The following OPCML variants were observed in gnomAD, a reference collection of about 807,000 sequenced individuals.
OPCML encodes opioid binding protein/cell adhesion molecule like, also known as opioid-binding protein/cell adhesion molecule.
In OPCML, 13 loss-of-function variants were observed where a neutral mutation model predicts 37.8. The ratio of observed to expected loss-of-function variants is 0.34; its 90% CI spans 0.22 to 0.55. The LOEUF (loss-of-function observed/expected upper bound fraction) is 0.55. Ranked by LOEUF, OPCML falls within the 20% of genes least tolerant of loss-of-function variation. The pLI, the probability that OPCML is intolerant of heterozygous loss-of-function variation, is 0.91. For synonymous variants in OPCML, 176 were observed against 168.8 expected (o/e 1.04, Z -0.33); for missense variants, 341 against 435.6 (o/e 0.78, Z 1.93).
At chr11:133,108,817 T>A (rs1486473740) in intron 1 of OPCML, among the ~76,000 whole-genome samples, 1 of 144,376 alleles carries the variant, frequency 6.9e-6, no homozygotes, top group South Asian at 2.2e-4. Flanking sequence ...TAAAAAAAAA[T>A]GTGAAATACA....
At chr11:132,537,612 C>A (rs543170393) in intron 3 of OPCML, among the ~76,000 whole-genome samples, 1 of 152,172 alleles carries the variant, frequency 6.6e-6, no homozygotes, top group Admixed American at 6.5e-5. Flanking sequence ...GTTTGTGCTT[C>A]AAAACACACT....
chr11:133,416,952 G>A (rs1945782340), intron 1 of OPCML, among the ~76,000 whole-genome samples: 1 of 152,112 alleles, frequency 6.6e-6, no homozygotes, highest in Non-Finnish European at 1.5e-5. Flanking sequence ...AAAGGTGGGT[G>A]GGGGCTGTGG....
At chr11:132,642,597 C>A (rs751131571) in intron 3 of OPCML, among the ~76,000 whole-genome samples, 1 of 152,106 alleles carries the variant, frequency 6.6e-6, no homozygotes, top group Non-Finnish European at 1.5e-5. Context: ...GCTGAACCAC[C>A]CTGGCATAAT....
intron 1 of OPCML, among the ~76,000 whole-genome samples, chr11:133,134,023 C>A (rs1035385038): frequency 2.0e-5 from 3 of 152,152 alleles, no homozygotes; most frequent in African/African-American, 7.2e-5. Flanking sequence ...GAACTCCTTT[C>A]AGCTGCCTTT....
At chr11:132,510,063 C>G (rs553926401) in intron 4 of OPCML, among the ~76,000 whole-genome samples, 9 of 152,366 alleles carry the variant, frequency 5.9e-5, no homozygotes, top group African/African-American at 2.2e-4. Flanking sequence ...GAACCCACCT[C>G]TTGCATCAGC....
intron 1 of OPCML, among the ~76,000 whole-genome samples, chr11:133,047,617 G>C (rs1948042538): frequency 1.3e-5 from 2 of 152,078 alleles, no homozygotes; most frequent in Admixed American, 1.3e-4. Context: ...CCTGGCGACT[G>C]CTGGCCGTGG....
intron 1 of OPCML, among the ~76,000 whole-genome samples, chr11:133,044,380 A>T (rs529884996): frequency 6.6e-6 from 1 of 152,330 alleles, no homozygotes; most frequent in East Asian, 1.9e-4. Flanking sequence ...ACTCTTGAGC[A>T]TGGGGAACAG....
chr11:133,531,571 G>C (rs899984353), intron 1 of OPCML, among the ~76,000 whole-genome samples: 38 of 152,118 alleles, frequency 2.5e-4, no homozygotes, highest in African/African-American at 8.9e-4. Context: ...TTGGTGGAAG[G>C]ATAAAGAAAG....
At chr11:133,077,656 A>G (rs1036819408) in intron 1 of OPCML, among the ~76,000 whole-genome samples, 43 of 152,342 alleles carry the variant, frequency 2.8e-4, no homozygotes, top group African/African-American at 8.9e-4. Flanking sequence ...ATATGTTAAC[A>G]GTCAACTCAT....
intron 1 of OPCML, among the ~76,000 whole-genome samples, chr11:133,172,895 A>G (rs1950307103): frequency 6.6e-6 from 1 of 152,230 alleles, no homozygotes; most frequent in Non-Finnish European, 1.5e-5. Context: ...TAATTTTACA[A>G]CAAATGTATA....
chr11:132,556,872 C>T lies in OPCML; in HGVS notation c.380-27686G>A, dbSNP rs926434655. ...CTAGTTGGGCCTGGACTCTCCTAGG[C>T]GGATATTAAACTCCACTTTGTCTTC... On this transcript the variant is annotated intron_variant, in intron 3 of 7. Transcript: ENST00000524381. Among the ~76,000 whole-genome samples, 10 of 152,046 alleles carry T rather than the reference C, an allele frequency of 6.6e-5. No homozygotes were observed. The South Asian group carries it at 8.3e-4, about 13-fold the overall frequency.
chr11:133,034,308 G>GGGGTGTGTGTGTGTGT (rs1555079919), intron 1 of OPCML, among the ~76,000 whole-genome samples: 36 of 143,536 alleles, frequency 2.5e-4, no homozygotes, highest in African/African-American at 8.9e-4. Flanking sequence ...TGTATGTATA[G>GGGGTGTGTGTGTGTGT]GTGTGTGTGT....
intron 2 of OPCML, among the ~76,000 whole-genome samples, chr11:132,810,475 G>A (rs568081358): frequency 2.6e-5 from 4 of 152,260 alleles, no homozygotes; most frequent in Middle Eastern, 3.4e-3. Context: ...GGAGGATCAC[G>A]AGGTCAGGAG....
intron 2 of OPCML, among the ~76,000 whole-genome samples, chr11:132,926,628 G>GT: frequency 1.3e-5 from 2 of 151,902 alleles, no homozygotes. Flanking sequence ...AGAGGTGGTT[G>GT]TTTTTTCAAA....
intron 2 of OPCML, among the ~76,000 whole-genome samples, chr11:132,747,467 C>A (rs1393382851): frequency 6.6e-6 from 1 of 152,136 alleles, no homozygotes; most frequent in Non-Finnish European, 1.5e-5. Context: ...AAGATCATTG[C>A]AGCTTTTTGT....
chr11:132,898,882 A>C (rs1943948140), intron 2 of OPCML, among the ~76,000 whole-genome samples: 2 of 144,508 alleles, frequency 1.4e-5, no homozygotes, highest in South Asian at 4.4e-4. Context: ...CATGCTTCTG[A>C]GTCAACTGGC....
intron 4 of OPCML, among the ~76,000 whole-genome samples, chr11:132,490,145 C>T (rs1402827839): frequency 6.6e-6 from 1 of 151,888 alleles, no homozygotes; most frequent in South Asian, 2.1e-4. Flanking sequence ...TTGTCTGTGG[C>T]CCATTATTGA....
At chr11:132,987,145 G>A (rs1946694906) in intron 1 of OPCML, among the ~76,000 whole-genome samples, 1 of 152,122 alleles carries the variant, frequency 6.6e-6, no homozygotes, top group South Asian at 2.1e-4. Flanking sequence ...CTGTCCTCTA[G>A]AAACTGTCTG....
intron 3 of OPCML, among the ~76,000 whole-genome samples, chr11:132,639,222 G>A (rs1397155301): frequency 6.6e-6 from 1 of 152,208 alleles, no homozygotes; most frequent in Non-Finnish European, 1.5e-5. Flanking sequence ...GCTCCTTTCA[G>A]CAGAGAGATG....
Sources: gnomAD v4.1 joint callset for allele counts (sites outside exome capture counted in the v4.1 genomes callset) on GRCh38, gnomAD v4.1.1 for gene constraint, MANE v1.5 for transcripts, NCBI Gene and HGNC (gene_info 2026-07-23, HGNC 2026-07-21) for gene names.